The following MAN1A1 variants were observed in gnomAD, a reference collection of about 807,000 sequenced individuals.
MAN1A1 encodes the protein mannosyl-oligosaccharide 1,2-alpha-mannosidase IA.
MAN1A1 carries 29 observed loss-of-function variants against 70.8 expected under a neutral mutation model. That is an observed-to-expected ratio of 0.41 (90% confidence interval 0.31 to 0.56). The LOEUF (loss-of-function observed/expected upper bound fraction) is 0.56, where lower values mean the gene tolerates loss of function less well. MAN1A1 is among the 20% of genes least tolerant of loss of function. The pLI is 0.29. For synonymous variants in MAN1A1, 349 were observed against 330.1 expected, an observed-to-expected ratio of 1.06 and a Z score of -0.62; for missense variants, 747 against 841.3, an observed-to-expected ratio of 0.89 and a Z score of 1.39.
chr6:119,236,786 C>T (rs1263839806), intron 6 of MAN1A1, among the ~76,000 whole-genome samples: 4 of 151,826 alleles, frequency 2.6e-5, no homozygotes, highest in Non-Finnish European at 4.4e-5. Context: ...GCTATAGCTG[C>T]CATAGACAGT....
At chr6:119,314,731 G>A (rs1191401826) in intron 2 of MAN1A1, among the ~76,000 whole-genome samples, 1 of 152,112 alleles carries the variant, frequency 6.6e-6, no homozygotes, top group Non-Finnish European at 1.5e-5. Flanking sequence ...GCACCAAAAT[G>A]ACACATGCCG....
chr6:119,327,492 C>A (rs760685279), intron 2 of MAN1A1: 1 of 146,440 alleles, frequency 6.8e-6, no homozygotes, highest in African/African-American at 2.5e-5. Context: ...TGGGTTCAGG[C>A]GATTCTCCTG....
chr6:119,255,363 C>T (rs753202807), intron 5 of MAN1A1, among the ~76,000 whole-genome samples: 2 of 152,204 alleles, frequency 1.3e-5, no homozygotes, highest in Non-Finnish European at 2.9e-5. Context: ...ATAAAGCTTT[C>T]AGCACAAGAT....
intron 10 of MAN1A1, among the ~76,000 whole-genome samples, chr6:119,189,220 A>C (rs1460437144): frequency 6.6e-6 from 1 of 152,230 alleles, no homozygotes; most frequent in Non-Finnish European, 1.5e-5. Context: ...AGTGGTTGAC[A>C]ATCCTAAGTA....
chr6:119,305,224 T>C (rs1772495928), intron 3 of MAN1A1, among the ~76,000 whole-genome samples: 1 of 152,226 alleles, frequency 6.6e-6, no homozygotes, highest in Admixed American at 6.5e-5. Flanking sequence ...ATATTTTTAA[T>C]GTTCAATAAC....
chr6:119,208,979 C>T (rs1158387394), intron 6 of MAN1A1, among the ~76,000 whole-genome samples: 1 of 150,886 alleles, frequency 6.6e-6, no homozygotes, highest in Non-Finnish European at 1.5e-5. Flanking sequence ...CCTGTAGTCC[C>T]AGCTACCTGG....
intron 6 of MAN1A1, among the ~76,000 whole-genome samples, chr6:119,231,294 G>T (rs567923795): frequency 6.6e-6 from 1 of 152,222 alleles, no homozygotes; most frequent in Admixed American, 6.5e-5. Flanking sequence ...CCCCCATGCT[G>T]TTCTTGTGAT....
chr6:119,180,473 G>A, intron 11 of MAN1A1, 46 bp from the exon 12 acceptor site: 1 of 971,226 alleles, frequency 1.0e-6, no homozygotes, highest in Non-Finnish European at 1.6e-6. Context: ...TCAGTAAACT[G>A]ATTGTCACTA....
chr6:119,271,441 A>T (rs1424036714), intron 5 of MAN1A1, among the ~76,000 whole-genome samples: 2 of 152,082 alleles, frequency 1.3e-5, no homozygotes, highest in Non-Finnish European at 2.9e-5. Flanking sequence ...ACCCTATAAG[A>T]GCTACTTCTT....
chr6:119,349,356 T>TC (rs1363551322), intron 1 of MAN1A1, 69 bp from the exon 2 acceptor site: 1 of 1,077,820 alleles, frequency 9.3e-7, no homozygotes, highest in East Asian at 5.4e-5. Flanking sequence ...GTCTCCGCCC[T>TC]CCGACTCCTG....
intron 6 of MAN1A1, among the ~76,000 whole-genome samples, chr6:119,233,791 T>A (rs1774757877): frequency 6.6e-6 from 1 of 152,192 alleles, no homozygotes; most frequent in Non-Finnish European, 1.5e-5. Flanking sequence ...AAGTTGGCAA[T>A]GGGACCCTCA....
chr6:119,190,793 G>C (rs1311486929), intron 9 of MAN1A1, among the ~76,000 whole-genome samples: 1 of 152,102 alleles, frequency 6.6e-6, no homozygotes, highest in Non-Finnish European at 1.5e-5. Flanking sequence ...AAACTAGACA[G>C]GTAAGTAAAA....
intron 6 of MAN1A1, among the ~76,000 whole-genome samples, chr6:119,214,548 C>T (rs931029181): frequency 6.6e-6 from 1 of 152,122 alleles, no homozygotes; most frequent in Non-Finnish European, 1.5e-5. Flanking sequence ...TAGACAGGGT[C>T]TCACTCTGTC....
chr6:119,328,508 AAAGTAGT>A, intron 2 of MAN1A1, among the ~76,000 whole-genome samples: 1 of 152,124 alleles, frequency 6.6e-6, no homozygotes, highest in African/African-American at 2.4e-5. Flanking sequence ...TAACACTAAG[AAAGTAGT>A]AAGTAGGTTA....
chr6:119,184,467 C>T (rs771912403), intron 11 of MAN1A1, among the ~76,000 whole-genome samples: 8 of 151,956 alleles, frequency 5.3e-5, no homozygotes, highest in Non-Finnish European at 8.8e-5. Context: ...ATGGCTGATC[C>T]GTGGAGTAAG....
chr6:119,313,193 C>A (rs1395792758), intron 2 of MAN1A1, among the ~76,000 whole-genome samples: 1 of 152,178 alleles, frequency 6.6e-6, no homozygotes, highest in African/African-American at 2.4e-5. Context: ...TGATGTGACT[C>A]CGCCTTCACA....
intron 5 of MAN1A1, among the ~76,000 whole-genome samples, chr6:119,266,166 G>A (rs971016563): frequency 1.4e-4 from 22 of 152,132 alleles, no homozygotes; most frequent in Admixed American, 1.3e-3. Context: ...ATACCAAGAC[G>A]TCAGTTCTTC....
Position 119,293,524 on chromosome 6 carries a change from C to T in MAN1A1, c.817-2761G>A, listed in dbSNP as rs139395256. Among the ~76,000 whole-genome samples the T allele has an allele frequency of 1.9e-3, 284 of 152,168 alleles. 1 individual carries two copies. The highest frequency in any genetic ancestry group is 6.7e-3 in the African/African-American group (277 of 41,554). ...GTCCTTGTCTTTAATAAATCTTGCTCTGGAACATCACACCACCACCATCAC... is the reference window on the plus strand; with the variant it reads ...GTCCTTGTCTTTAATAAATCTTGCTTTGGAACATCACACCACCACCATCAC... On this transcript the variant is annotated intron_variant, in intron 4 of 12. Transcript: ENST00000368468.
At chr6:119,241,362 GCT>G (rs1389677745) in intron 6 of MAN1A1, among the ~76,000 whole-genome samples, 1 of 152,162 alleles carries the variant, frequency 6.6e-6, no homozygotes, top group Non-Finnish European at 1.5e-5. Context: ...TCACTGAACG[GCT>G]CTGAGATTTA....
Sources: gnomAD v4.1 joint callset for allele counts (sites outside exome capture counted in the v4.1 genomes callset) on GRCh38, gnomAD v4.1.1 for gene constraint, MANE v1.5 for transcripts, NCBI Gene and HGNC (gene_info 2026-07-23, HGNC 2026-07-21) for gene names.